SCEL: variants seen among roughly 807,000 people sequenced by gnomAD.
The protein encoded by SCEL is sciellin.
In SCEL, 113 loss-of-function variants were observed where a neutral mutation model predicts 117.6. The ratio of observed to expected loss-of-function variants is 0.96; its 90% CI spans 0.83 to 1.12. The LOEUF is 1.12. Ranked by LOEUF, SCEL falls within the 50% of genes most tolerant of loss-of-function variation. The probability of loss-of-function intolerance (pLI) is 0.00; values close to 1 mark genes in which losing one functional copy is unlikely to be tolerated. For missense variants in SCEL, 785 were observed against 810.8 expected, an observed-to-expected ratio of 0.97 and a Z score of 0.39; for synonymous variants, 270 against 256.2, an observed-to-expected ratio of 1.05 and a Z score of -0.51.
At chr13:77,610,983 G>T (rs1247489815) in intron 22 of SCEL, among the ~76,000 whole-genome samples, 3 of 152,176 alleles carry the variant, frequency 2.0e-5, no homozygotes, top group Admixed American at 6.5e-5. Flanking sequence ...ATTTGAACAT[G>T]AGTTAGATGT....
chr13:77,569,968 A>G (rs1004255585), intron 8 of SCEL, among the ~76,000 whole-genome samples: 4 of 152,198 alleles, frequency 2.6e-5, no homozygotes, highest in African/African-American at 9.7e-5. Flanking sequence ...ATTAGCAGGT[A>G]CAGAGGAGTA....
chr13:77,558,688 C>T (rs1368638357), intron 3 of SCEL, among the ~76,000 whole-genome samples: 1 of 151,744 alleles, frequency 6.6e-6, no homozygotes, highest in African/African-American at 2.4e-5. Context: ...TGTTGGCGGG[C>T]ACCTATAATC....
intron 9 of SCEL, among the ~76,000 whole-genome samples, chr13:77,581,968 A>C (rs2086286516): frequency 6.6e-6 from 1 of 152,106 alleles, no homozygotes; most frequent in Non-Finnish European, 1.5e-5. Context: ...GCCTGAGTAC[A>C]GTGAAGTATA....
chr13:77,621,485 T>C (rs1438726833), intron 27 of SCEL, among the ~76,000 whole-genome samples: 2 of 152,210 alleles, frequency 1.3e-5, no homozygotes, highest in African/African-American at 4.8e-5. Flanking sequence ...TGACCCACCA[T>C]GTGTGCATCA....
At chr13:77,576,293 T>C (rs2085937506) in intron 9 of SCEL, among the ~76,000 whole-genome samples, 1 of 117,634 alleles carries the variant, frequency 8.5e-6, no homozygotes, top group South Asian at 3.4e-4. Context: ...ATCTCTCTTA[T>C]TGTGTTTCGA....
intron 10 of SCEL, among the ~76,000 whole-genome samples, chr13:77,589,541 TA>T (rs2086753810): frequency 6.6e-6 from 1 of 152,176 alleles, no homozygotes; most frequent in African/African-American, 2.4e-5. Flanking sequence ...TACATATATG[TA>T]TTTGACATGT....
At chr13:77,555,981 A>G (rs1402150919) in intron 2 of SCEL, 63 bp downstream of exon 2, 12 of 1,234,396 alleles carry the variant, frequency 9.7e-6, no homozygotes, top group African/African-American at 1.5e-5. Context: ...CAACTCACAG[A>G]TCTCAATTCT....
chr13:77,642,780 CTG>C lies in SCEL; in HGVS notation c.2025_2026del (p.Cys675Ter). Reference sequence around the variant, plus strand: ...TTTGGATTTATAGACAGACAATACACTGTGAACCTTGCTACTCTAAAATTATG... The same window carrying C: ...TTTGGATTTATAGACAGACAATACACTGAACCTTGCTACTCTAAAATTATG... Reference protein sequence around the residue: ...SIWIYRQTIHCEPCYSKIMAK... With the variant: ...SIWIYRQTIHXEPCYSKIMAK... On this transcript the variant is annotated frameshift_variant, in exon 32 of 33. Coordinates refer to ENST00000349847, the MANE Select transcript of SCEL (RefSeq NM_144777.3). LOFTEE classifies it high-confidence loss of function. The C allele has an allele frequency of 6.2e-7, 1 of 1,602,162 alleles. No individual in the cohort carries two copies. Among genetic ancestry groups the C allele is most frequent in the East Asian group, 2.2e-5 (1 of 44,656 alleles).
chr13:77,604,596 T>G (rs1261342183), intron 19 of SCEL, among the ~76,000 whole-genome samples, 181 bp downstream of exon 19: 1 of 152,202 alleles, frequency 6.6e-6, no homozygotes, highest in Non-Finnish European at 1.5e-5. Context: ...TCTCCTGCAT[T>G]TTATTCTTGG....
rs778545381 is a variant in SCEL, at chr13:77,602,085, C to G, written c.938C>G (p.Pro313Arg). 16 of 1,610,316 alleles carry G rather than the reference C, an allele frequency of 9.9e-6. No individual in the cohort carries two copies. Among genetic ancestry groups the G allele is most frequent in the Non-Finnish European group, 3.4e-6 (4 of 1,178,484 alleles). The change falls in exon 16 of 33, where the codon CCG becomes CGG. Residue 313 changes from proline (P) to arginine (R), a missense_variant. Physicochemically the swap from Pro to Arg is moderately radical, Grantham distance 103. Transcript: ENST00000349847. ...TAAAGAATCCAAAGCCTTGGAAGTC[C>G]GATTAAAGTTAATCAAAGGACTGAC... ...DGKGIQSLGS[P>R]IKVNQRTDKN...
chr13:77,599,962 T>C, intron 15 of SCEL: 1 of 533,304 alleles, frequency 1.9e-6, no homozygotes, highest in Non-Finnish European at 3.3e-6. Context: ...AGAGCTCTGT[T>C]TCCTCATTCC....
intron 27 of SCEL, among the ~76,000 whole-genome samples, chr13:77,619,200 C>T (rs2089269678): frequency 6.6e-6 from 1 of 152,268 alleles, no homozygotes; most frequent in East Asian, 1.9e-4. Context: ...CCATGATTGG[C>T]CTAACTCTTA....
intron 27 of SCEL, among the ~76,000 whole-genome samples, chr13:77,625,366 C>T (rs2089675810): frequency 6.6e-6 from 1 of 152,072 alleles, no homozygotes; most frequent in Non-Finnish European, 1.5e-5. Flanking sequence ...TAGGCAAATC[C>T]CAAGACTCTA....
chr13:77,577,224 C>G (rs1305709720), intron 9 of SCEL, among the ~76,000 whole-genome samples: 1 of 152,088 alleles, frequency 6.6e-6, no homozygotes, highest in Non-Finnish European at 1.5e-5. Context: ...ACTCTGTTGC[C>G]ACACTGCTAT....
At chr13:77,611,890 T>A (rs984013467) in intron 22 of SCEL, among the ~76,000 whole-genome samples, 5 of 152,196 alleles carry the variant, frequency 3.3e-5, no homozygotes, top group African/African-American at 1.2e-4. Flanking sequence ...TTATTATTAC[T>A]CTTAAAATTT....
chr13:77,564,429 C>A (rs2085170665), intron 5 of SCEL, among the ~76,000 whole-genome samples: 1 of 152,060 alleles, frequency 6.6e-6, no homozygotes, highest in East Asian at 1.9e-4. Flanking sequence ...ATGAGTCCAA[C>A]GTGTGTGCCT....
intron 4 of SCEL, 109 bp downstream of exon 4, chr13:77,559,972 C>T (rs1323662345): frequency 1.6e-5 from 15 of 923,050 alleles, no homozygotes; most frequent in Admixed American, 5.8e-5. Context: ...GGGCTTTCCC[C>T]GATGTTCTGG....
intron 15 of SCEL, among the ~76,000 whole-genome samples, chr13:77,601,267 G>GA (rs2087665488): frequency 6.6e-6 from 1 of 152,190 alleles, no homozygotes; most frequent in South Asian, 2.1e-4. Context: ...TGTGGGCTGG[G>GA]AAAAAGATTT....
At position 77,612,889 on chromosome 13, in the gene SCEL, A is replaced by G; in HGVS notation, c.1338-2A>G. Reference sequence around the variant, plus strand: ...AGCTATTGAAACTTAACATTTTTTTAGGAACCAAGACTTGGAAAATCTTAT... The same window carrying G: ...AGCTATTGAAACTTAACATTTTTTTGGGAACCAAGACTTGGAAAATCTTAT... On this transcript the variant is annotated splice_acceptor_variant, in intron 22 of 32. Coordinates refer to ENST00000349847, the MANE Select transcript of SCEL (RefSeq NM_144777.3). LOFTEE classifies it high-confidence loss of function. 6.5e-7 allele frequency: 1 copy of G among 1,535,692 alleles called. No individual in the cohort carries two copies. The highest frequency in any genetic ancestry group is 8.8e-7 in the Non-Finnish European group (1 of 1,135,134).
Sources: gnomAD v4.1 joint callset for allele counts (sites outside exome capture counted in the v4.1 genomes callset) on GRCh38, gnomAD v4.1.1 for gene constraint, MANE v1.5 for transcripts, NCBI Gene and HGNC (gene_info 2026-07-23, HGNC 2026-07-21) for gene names.